BTRC: variants seen among roughly 807,000 people sequenced by gnomAD.
The protein encoded by BTRC is F-box/WD repeat-containing protein 1A.
In BTRC, 42 loss-of-function variants were observed where a neutral mutation model predicts 85.5. That is an observed-to-expected ratio of 0.49 (90% CI 0.38 to 0.64). The LOEUF is 0.64. Among genes scored for constraint, BTRC ranks in the 30% least tolerant of loss-of-function variants. The probability of loss-of-function intolerance (pLI) is 0.00; values close to 1 mark genes in which losing one functional copy is unlikely to be tolerated. For synonymous variants in BTRC, 255 were observed against 263.3 expected (o/e 0.97, Z 0.30); for missense variants, 594 against 743.5 (o/e 0.80, Z 2.34).
At chr10:101,483,254 A>G (rs914017495) in intron 4 of BTRC, among the ~76,000 whole-genome samples, 1 of 152,190 alleles carries the variant, frequency 6.6e-6, no homozygotes. Flanking sequence ...AGTTGGCAAT[A>G]ATCTTGTTAG....
intron 4 of BTRC, among the ~76,000 whole-genome samples, chr10:101,514,611 T>C (rs1454616317): frequency 6.6e-6 from 1 of 152,060 alleles, no homozygotes; most frequent in Non-Finnish European, 1.5e-5. Context: ...TGCCATGATG[T>C]CCAGCTAATT....
chr10:101,462,401 C>T lies in BTRC; in HGVS notation c.234+343C>T, dbSNP rs574911610. Among the ~76,000 whole-genome samples the T allele has an allele frequency of 3.3e-5, 5 of 152,202 alleles. No individual in the cohort carries two copies. In the South Asian group the frequency reaches 1.0e-3, roughly 32 times the overall value. On this transcript the variant is annotated intron_variant, in intron 3 of 14. Coordinates refer to ENST00000370187, the MANE Select transcript of BTRC (RefSeq NM_033637.4). ...AATAATAACTTAAAAAAACAGCAGC[C>T]GGGCAAGGTGGCTAACGCCTATAAT...
At chr10:101,445,929 A>T (rs886137042) in intron 2 of BTRC, among the ~76,000 whole-genome samples, 2 of 152,162 alleles carry the variant, frequency 1.3e-5, no homozygotes, top group Non-Finnish European at 2.9e-5. Flanking sequence ...TCACTTACAC[A>T]CAGCTGATTG....
At chr10:101,389,115 GTGTGTTTTTTTTTT>G (rs1293254265) in intron 1 of BTRC, among the ~76,000 whole-genome samples, 10 of 35,468 alleles carry the variant, frequency 2.8e-4, no homozygotes, top group East Asian at 1.8e-3. Context: ...GATTTTTTGT[GTGTGTTTTTTTTTT>G]TTTTTTTTTT....
chr10:101,530,646 A>G (rs1430813156), intron 6 of BTRC, among the ~76,000 whole-genome samples: 1 of 152,188 alleles, frequency 6.6e-6, no homozygotes, highest in Non-Finnish European at 1.5e-5. Context: ...CCATTTGTTT[A>G]CTGATATTAT....
At chr10:101,356,309 T>C (rs1310422112) in intron 1 of BTRC, among the ~76,000 whole-genome samples, 1 of 152,232 alleles carries the variant, frequency 6.6e-6, no homozygotes, top group Non-Finnish European at 1.5e-5. Flanking sequence ...GAGGGTTGAC[T>C]CTTAATCCTA....
At chr10:101,400,663 T>G (rs1458954565) in intron 1 of BTRC, among the ~76,000 whole-genome samples, 1 of 152,198 alleles carries the variant, frequency 6.6e-6, no homozygotes, top group African/African-American at 2.4e-5. Context: ...CTCTGATCTT[T>G]CCTATGACGG....
At chr10:101,537,680 T>C (rs915580791) in intron 12 of BTRC, among the ~76,000 whole-genome samples, 2 of 152,262 alleles carry the variant, frequency 1.3e-5, no homozygotes, top group Admixed American at 1.3e-4. Flanking sequence ...CATTAGCCAA[T>C]GCAAGCAGCA....
intron 1 of BTRC, among the ~76,000 whole-genome samples, chr10:101,396,703 C>T (rs1013332083): frequency 5.9e-5 from 9 of 151,864 alleles, no homozygotes; most frequent in South Asian, 2.1e-4. Context: ...TCACTACTAA[C>T]GGTAGACAGT....
At chr10:101,496,054 CATTT>C (rs1946252110) in intron 4 of BTRC, among the ~76,000 whole-genome samples, 1 of 150,704 alleles carries the variant, frequency 6.6e-6, no homozygotes, top group Admixed American at 6.6e-5. Flanking sequence ...TTTTGAGAGT[CATTT>C]ATATTGTTAT....
chr10:101,483,420 C>T (rs1452040734), intron 4 of BTRC, among the ~76,000 whole-genome samples: 2 of 152,146 alleles, frequency 1.3e-5, no homozygotes, highest in East Asian at 3.9e-4. Flanking sequence ...TGGTGAAACC[C>T]TGTCTATACT....
intron 13 of BTRC, among the ~76,000 whole-genome samples, chr10:101,549,394 G>A (rs1388358582): frequency 1.3e-5 from 2 of 151,508 alleles, no homozygotes; most frequent in African/African-American, 2.4e-5. Flanking sequence ...TCACACTACC[G>A]CATTCTAGCC....
chr10:101,500,020 C>CTATT (rs1334982763), intron 4 of BTRC, among the ~76,000 whole-genome samples: 3 of 151,000 alleles, frequency 2.0e-5, no homozygotes, highest in African/African-American at 7.3e-5. Context: ...ATCATGAGCT[C>CTATT]TTAATAAAGT....
At chr10:101,382,069 G>A (rs1228252818) in intron 1 of BTRC, among the ~76,000 whole-genome samples, 1 of 128,810 alleles carries the variant, frequency 7.8e-6, no homozygotes, top group African/African-American at 3.0e-5. Context: ...TGCAACCTTC[G>A]CCTCCCAGGT....
At chr10:101,455,256 T>C (rs1409844541) in intron 2 of BTRC, among the ~76,000 whole-genome samples, 1 of 151,140 alleles carries the variant, frequency 6.6e-6, no homozygotes, top group Non-Finnish European at 1.5e-5. Context: ...AGGGTCTTGC[T>C]ATGTTACCCA....
chr10:101,416,691 C>T (rs1376035111), intron 1 of BTRC, among the ~76,000 whole-genome samples: 2 of 152,066 alleles, frequency 1.3e-5, no homozygotes, highest in Non-Finnish European at 2.9e-5. Flanking sequence ...TTACTCTCTG[C>T]GTGTAAAATT....
chr10:101,526,737 C>T (rs151138500), intron 6 of BTRC, among the ~76,000 whole-genome samples: 56 of 152,320 alleles, frequency 3.7e-4, no homozygotes, highest in African/African-American at 1.3e-3. Flanking sequence ...TTGCCTTTAT[C>T]TTATGCCTCT....
chr10:101,526,982 A>G (rs1219746825), intron 6 of BTRC, among the ~76,000 whole-genome samples: 1 of 152,206 alleles, frequency 6.6e-6, no homozygotes. Flanking sequence ...ATTTCATTAG[A>G]ACTTCTGAAA....
At chr10:101,504,667 T>A (rs1160961118) in intron 4 of BTRC, among the ~76,000 whole-genome samples, 1 of 151,762 alleles carries the variant, frequency 6.6e-6, no homozygotes, top group East Asian at 1.9e-4. Flanking sequence ...GCTTTCCCAT[T>A]TTCCCCCTTC....
Sources: allele counts gnomAD v4.1 joint callset (sites outside exome capture counted in the v4.1 genomes callset), GRCh38; gene constraint gnomAD v4.1.1; transcripts MANE v1.5; gene names NCBI Gene and HGNC (gene_info 2026-07-23, HGNC 2026-07-21).